The following TMPRSS7 variants were observed in gnomAD, a reference collection of about 807,000 sequenced individuals.
TMPRSS7 encodes the protein transmembrane protease serine 7.
A neutral mutation model predicts 95.6 loss-of-function variants in TMPRSS7; 81 were observed. The ratio of observed to expected loss-of-function variants is 0.85; its 90% CI spans 0.71 to 1.02. TMPRSS7 has a LOEUF of 1.02. Ranked by LOEUF, TMPRSS7 falls within the 50% of genes least tolerant of loss-of-function variation. The probability of loss-of-function intolerance (pLI) is 0.00; values close to 1 mark genes in which losing one functional copy is unlikely to be tolerated. For synonymous variants in TMPRSS7, 364 were observed against 337.8 expected (o/e 1.08, Z -0.85); for missense variants, 945 against 955.2 (o/e 0.99, Z 0.14).
At chr3:112,046,780 A>C (rs76917820) in intron 5 of TMPRSS7, among the ~76,000 whole-genome samples, 194 bp from the exon 6 acceptor site, 3,323 of 152,244 alleles carry the variant, frequency 0.022, 128 homozygotes, top group African/African-American at 0.073. Context: ...ACAACTACCA[A>C]CTCACTCATG....
At chr3:112,044,423 TG>T in intron 4 of TMPRSS7, 101 bp downstream of exon 4, 1 of 971,120 alleles carries the variant, frequency 1.0e-6, no homozygotes. Context: ...AGTAACTTCT[TG>T]GAAGTGGTTG....
exon 13 of TMPRSS7, chr3:112,066,424 T>C: frequency 1.9e-6 from 3 of 1,614,068 alleles, no homozygotes; most frequent in Non-Finnish European, 2.5e-6. Context: ...TACCAGCTCC[T>C]TCAGGCAGCA....
chr3:112,041,932 G>A, exon 3 of TMPRSS7: 7 of 1,548,750 alleles, frequency 4.5e-6, no homozygotes, highest in Non-Finnish European at 6.1e-6. Flanking sequence ...AAAACAGAAA[G>A]CAAAGATGCT....
intron 14 of TMPRSS7, among the ~76,000 whole-genome samples, chr3:112,074,727 G>A (rs540825985): frequency 1.3e-5 from 2 of 151,914 alleles, no homozygotes; most frequent in South Asian, 4.2e-4. Context: ...CTGGAACGCA[G>A]TGGATGACCT....
chr3:112,046,854 T>C (rs891770903), intron 5 of TMPRSS7, 120 bp from the exon 6 acceptor site: 2 of 654,734 alleles, frequency 3.1e-6, no homozygotes, highest in African/African-American at 3.6e-5. Context: ...TATTTTAAAG[T>C]AAATCCCAGA....
At chr3:112,074,466 T>G (rs1232063564) in intron 14 of TMPRSS7, 54 bp downstream of exon 14, 4 of 1,378,290 alleles carry the variant, frequency 2.9e-6, no homozygotes, top group East Asian at 2.4e-5. Flanking sequence ...AGTTTACCTG[T>G]TTGTTATATT....
chr3:112,054,653 A>G (rs936989039), intron 9 of TMPRSS7, among the ~76,000 whole-genome samples: 1 of 149,788 alleles, frequency 6.7e-6, no homozygotes. Flanking sequence ...CTTCTTGTAG[A>G]AGATTGCACT....
At chr3:112,078,609 A>T in intron 16 of TMPRSS7, 133 bp from the exon 17 acceptor site, 1 of 1,157,304 alleles carries the variant, frequency 8.6e-7, no homozygotes, top group Non-Finnish European at 1.2e-6. Flanking sequence ...TGAGGATAAT[A>T]GTAGAATTTA....
chr3:112,068,786 C>T (rs1297697512), intron 13 of TMPRSS7, among the ~76,000 whole-genome samples: 2 of 152,156 alleles, frequency 1.3e-5, no homozygotes, highest in Non-Finnish European at 2.9e-5. Flanking sequence ...AATTTGACTT[C>T]CTCTTTTCCT....
At chr3:112,066,912 G>C (rs559976989) in intron 13 of TMPRSS7, among the ~76,000 whole-genome samples, 1 of 152,144 alleles carries the variant, frequency 6.6e-6, no homozygotes, top group African/African-American at 2.4e-5. Context: ...CTTGTGCCAT[G>C]TTGGTTTGCT....
chr3:112,059,168 C>T (rs936329842), intron 10 of TMPRSS7, among the ~76,000 whole-genome samples: 7 of 152,144 alleles, frequency 4.6e-5, no homozygotes, highest in Admixed American at 2.0e-4. Context: ...AATGGATGGC[C>T]TTTTTACAAA....
At chr3:112,038,399 C>A (rs2073171723) in intron 2 of TMPRSS7, 78 bp downstream of exon 2, 2 of 633,684 alleles carry the variant, frequency 3.2e-6, no homozygotes, top group Admixed American at 5.1e-5. Flanking sequence ...CCCTAATCTG[C>A]CATAGGTATT....
At chr3:112,057,957 C>T (rs547611302) in intron 10 of TMPRSS7, among the ~76,000 whole-genome samples, 2 of 152,244 alleles carry the variant, frequency 1.3e-5, no homozygotes, top group South Asian at 4.1e-4. Flanking sequence ...AACTCCTGAC[C>T]TCAAGTGATC....
intron 3 of TMPRSS7, 132 bp downstream of exon 3, chr3:112,042,182 A>G (rs902921239): frequency 1.6e-5 from 10 of 607,430 alleles, no homozygotes; most frequent in Non-Finnish European, 2.8e-5. Context: ...AGACAAAGGA[A>G]GGTGTCAGAA....
chr3:112,069,442 A>T (rs917712059), intron 13 of TMPRSS7, among the ~76,000 whole-genome samples: 2 of 152,168 alleles, frequency 1.3e-5, no homozygotes, highest in Non-Finnish European at 2.9e-5. Context: ...TTGGCTGTGA[A>T]TCTGTCTGGT....
intron 10 of TMPRSS7, among the ~76,000 whole-genome samples, chr3:112,057,993 C>T (rs2073452624): frequency 6.6e-6 from 1 of 152,098 alleles, no homozygotes. Flanking sequence ...CCCAAAGTTC[C>T]AGGATTACAG....
intron 17 of TMPRSS7, among the ~76,000 whole-genome samples, chr3:112,080,556 CT>C (rs2073766411): frequency 4.8e-5 from 4 of 82,870 alleles, no homozygotes; most frequent in Admixed American, 4.7e-4. Context: ...ACCACCACTA[CT>C]ACTACTACTA....
rs1009863798 is a variant in TMPRSS7, at chr3:112,047,603, G to A, written c.731-136G>A. ...AATGCTGGGCTGTTACCAGAAGGCA[G>A]GGAAGTGGACCTAGGCTGGCCATAT... On this transcript the variant is annotated intron_variant, in intron 6 of 17. Coordinates refer to ENST00000452346, the Ensembl canonical transcript of TMPRSS7. 23 of 682,458 alleles carry A rather than the reference G, an allele frequency of 3.4e-5. No individual in the cohort carries two copies. The African/African-American group carries it at 3.9e-4, about 12-fold the overall frequency. 42.3% of individuals were successfully genotyped at this position (682,458 alleles called of 1,614,324 possible). A position where few individuals can be genotyped will look rare whatever the true frequency, so the allele number is the denominator to read the frequency against.
intron 2 of TMPRSS7, among the ~76,000 whole-genome samples, chr3:112,040,425 C>G (rs906103485): frequency 5.9e-5 from 9 of 152,184 alleles, no homozygotes; most frequent in Non-Finnish European, 1.2e-4. Context: ...GGTTCATGAA[C>G]TGGTTCCCGA....
Sources: allele counts gnomAD v4.1 joint callset (sites outside exome capture counted in the v4.1 genomes callset), GRCh38; gene constraint gnomAD v4.1.1; transcripts MANE v1.5; gene names NCBI Gene and HGNC (gene_info 2026-07-23, HGNC 2026-07-21).